MTUS1: variants seen among roughly 807,000 people sequenced by gnomAD.
MTUS1 encodes microtubule-associated tumor suppressor 1.
MTUS1 carries 109 observed loss-of-function variants against 120.8 expected under a neutral mutation model. The ratio of observed to expected loss-of-function variants is 0.90; its 90% confidence interval spans 0.77 to 1.06. The LOEUF is 1.06. MTUS1 is among the 50% of genes least tolerant of loss of function. The pLI, the probability that MTUS1 is intolerant of heterozygous loss-of-function variation, is 0.00. For missense variants in MTUS1, 2,210 were observed against 1,486.3 expected, an observed-to-expected ratio of 1.49 and a Z score of -8.01; for synonymous variants, 737 against 550.5, an observed-to-expected ratio of 1.34 and a Z score of -4.74.
rs1226863936 is a variant in MTUS1 at position 17,643,916 on chromosome 8, C to G, written c.*2010G>C. 1 of 152,236 alleles carries G rather than the reference C, an allele frequency of 6.6e-6. No homozygotes were observed. Among genetic ancestry groups the G allele is most frequent in the African/African-American group, 2.4e-5 (1 of 41,466 alleles). The allele number at this position is 152,236 out of a possible 1,614,324, so 9.4% of individuals were successfully genotyped here. On this transcript the variant is annotated 3_prime_UTR_variant, in exon 15 of 15. Coordinates refer to ENST00000693296, the MANE Select transcript of MTUS1 (RefSeq NM_001363059.2). ...ATATTTTTGACGTGCCAACATTTTG[C>G]ATTCTACATGAAACATTTGGTTTAA...
rs752152328 is a variant in MTUS1 at position 17,649,981 on chromosome 8, G to C, written c.3385-19C>G. On this transcript the variant is annotated intron_variant, in intron 12 of 14. Coordinates refer to ENST00000693296, the MANE Select transcript of MTUS1 (RefSeq NM_001363059.2). ...GATTTTTCTGGAAAGGACACAGCAA[G>C]ATACTGCTCTTATTCCACATAGTTC... is the stretch of plus-strand genomic sequence containing the variant. The C allele has an allele frequency of 8.4e-5, 102 of 1,214,020 alleles. No homozygotes were observed. The highest frequency in any genetic ancestry group is 1.2e-4 in the Non-Finnish European group (97 of 815,462). 75.2% of individuals were successfully genotyped at this position (1,214,020 alleles called of 1,614,324 possible).
intron 13 of MTUS1, among the ~76,000 whole-genome samples, chr8:17,648,046 A>G (rs1338524541): frequency 6.6e-6 from 1 of 152,224 alleles, no homozygotes; most frequent in Non-Finnish European, 1.5e-5. Flanking sequence ...ATTCCCAGAT[A>G]AAACAACGTG....
intron 2 of MTUS1, among the ~76,000 whole-genome samples, chr8:17,747,301 C>T (rs1333982923): frequency 6.6e-6 from 1 of 152,164 alleles, no homozygotes; most frequent in Non-Finnish European, 1.5e-5. Flanking sequence ...CCCAGAATAC[C>T]TGCCCTTCAA....
At position 17,693,687 on chromosome 8, in the gene MTUS1, G is replaced by A. The variant is rs138037371; in HGVS notation, c.2624-9145C>T. 4.7e-4 allele frequency among the ~76,000 whole-genome samples: 72 copies of A among 152,274 alleles called. No homozygotes were observed. The East Asian group carries it at 0.012, about 26-fold the overall frequency. ...CAACTTAAAAGGCACTTCTACTGGA[G>A]GACCTGGATTAAAGGTACCTCCACC... is the stretch of plus-strand genomic sequence containing the variant. On this transcript the variant is annotated intron_variant, in intron 6 of 14. Coordinates refer to ENST00000693296, the MANE Select transcript of MTUS1 (RefSeq NM_001363059.2).
At chr8:17,737,086 C>T (rs1021353421) in intron 3 of MTUS1, among the ~76,000 whole-genome samples, 1 of 152,190 alleles carries the variant, frequency 6.6e-6, no homozygotes, top group African/African-American at 2.4e-5. Flanking sequence ...GAAGAATTCA[C>T]ATATGTCCAT....
At chr8:17,787,844 G>C (rs552996082) in intron 1 of MTUS1, among the ~76,000 whole-genome samples, 1 of 152,212 alleles carries the variant, frequency 6.6e-6, no homozygotes, top group African/African-American at 2.4e-5. Context: ...CTTTCTGGCT[G>C]GGCACAGTGG....
chr8:17,653,444 T>C lies in MTUS1; in HGVS notation c.3269A>G (p.Glu1090Gly), dbSNP rs764371342. 1.9e-6 allele frequency: 3 copies of C among 1,611,640 alleles called. No individual in the cohort carries two copies. Among genetic ancestry groups the C allele is most frequent in the South Asian group, 2.2e-5 (2 of 90,322 alleles). Residue 1090 changes from glutamate to glycine, a missense_variant, in exon 11 of 15, where the codon GAG becomes GGG. Physicochemically the swap from Glu to Gly is moderately conservative, Grantham distance 98. Coordinates refer to ENST00000693296, the MANE Select transcript of MTUS1 (RefSeq NM_001363059.2). ...EKKSLEDLLS[E>G]KQESLEKQIN... Reference sequence around the variant, plus strand: ...ACCCACCTCTAGCGATTCCTGCTTCTCAGAAAGTAAATCTTCAAGCGATTT... The same window carrying C: ...ACCCACCTCTAGCGATTCCTGCTTCCCAGAAAGTAAATCTTCAAGCGATTT...
At chr8:17,730,585 C>G (rs1229152702) in intron 3 of MTUS1, among the ~76,000 whole-genome samples, 1 of 151,828 alleles carries the variant, frequency 6.6e-6, no homozygotes, top group Non-Finnish European at 1.5e-5. Flanking sequence ...GGAAGCAACC[C>G]TACTGTTCAC....
In MTUS1 at chr8:17,755,313, C is replaced by A. The variant is rs1586191019; in HGVS notation, c.495G>T (p.Val165=). 1.2e-6 allele frequency: 2 copies of A among 1,614,162 alleles called. No individual in the cohort carries two copies. The highest frequency in any genetic ancestry group is 2.2e-5 in the East Asian group (1 of 44,876). ...LELNQTFDMT[V]DKVNCTFISH... Reference sequence around the variant, plus strand: ...ATATAAAGGTGCAGTTAACTTTATCCACTGTCATGTCAAATGTTTGGTTTA... The same window carrying A: ...ATATAAAGGTGCAGTTAACTTTATCAACTGTCATGTCAAATGTTTGGTTTA... The change falls in exon 2 of 15, where the codon GTG becomes GTT. Residue 165 remains valine (V), a synonymous_variant. Transcript: ENST00000693296.
At chr8:17,768,728 A>C (rs189235159) in intron 1 of MTUS1, among the ~76,000 whole-genome samples, 3 of 152,124 alleles carry the variant, frequency 2.0e-5, no homozygotes, top group Non-Finnish European at 4.4e-5. Context: ...CAAAACAAAA[A>C]ACAAAAACAA....
At chr8:17,705,260 A>C (rs3885163) in intron 6 of MTUS1, among the ~76,000 whole-genome samples, 68,546 of 152,114 alleles carry the variant, frequency 0.45, 16,813 homozygotes, top group Middle Eastern at 0.63. Context: ...TTGGGATTAC[A>C]GGCGTGAGCC....
At chr8:17,650,921 T>G (rs1806845737) in intron 12 of MTUS1, among the ~76,000 whole-genome samples, 1 of 152,056 alleles carries the variant, frequency 6.6e-6, no homozygotes, top group South Asian at 2.1e-4. Context: ...GAGTCGGTGG[T>G]GTGGTCATCA....
intron 6 of MTUS1, among the ~76,000 whole-genome samples, chr8:17,686,273 G>A (rs1400133615): frequency 6.6e-6 from 1 of 152,216 alleles, no homozygotes; most frequent in Admixed American, 6.5e-5. Context: ...ATTTTGGAAA[G>A]CGGATTAGGT....
chr8:17,704,576 AC>A (rs1378135184), intron 6 of MTUS1, among the ~76,000 whole-genome samples: 3 of 152,112 alleles, frequency 2.0e-5, no homozygotes, highest in African/African-American at 7.2e-5. Flanking sequence ...AGATTAGCTA[AC>A]CGTATATGCA....
chr8:17,754,315 T>G lies in MTUS1; in HGVS notation c.1493A>C (p.Glu498Ala), dbSNP rs1342122067. 6.2e-7 allele frequency: 1 copy of G among 1,614,134 alleles called. No homozygotes were observed. The highest frequency in any genetic ancestry group is 1.7e-5 in the Admixed American group (1 of 60,024). ...TPIGCKVRKT[E>A]IISYPRPNFK... ...GTTTGGTCTTGGGTAACTTATAATT[T>G]CAGTTTTTCTAACTTTGCAGCCTAT... The change falls in exon 2 of 15, where the codon GAA becomes GCA. Residue 498 changes from glutamate (E) to alanine (A), a missense_variant. Physicochemically the swap from Glu to Ala is moderately radical, Grantham distance 107. Transcript: ENST00000693296.
chr8:17,656,409 T>A (rs1270642298), intron 8 of MTUS1, among the ~76,000 whole-genome samples: 1 of 151,804 alleles, frequency 6.6e-6, no homozygotes, highest in East Asian at 1.9e-4. Context: ...GTGCCTGTAA[T>A]CCCAGCTACT....
chr8:17,755,430 T>C lies in MTUS1; in HGVS notation c.378A>G (p.Ala126=), dbSNP rs1020508242. Residue 126 remains alanine (A), a synonymous_variant, in exon 2 of 15, where the codon GCA becomes GCG. Transcript: ENST00000693296. ...YLQHSCHSLE[A]VEGQSVEPSL... ...ATGGCTCAACACTCTGGCCCTCAAC[T>C]GCTTCTAGGGAATGACAACTGTGTT... 1.2e-6 allele frequency: 2 copies of C among 1,614,110 alleles called. No individual in the cohort carries two copies. The highest frequency in any genetic ancestry group is 1.7e-6 in the Non-Finnish European group (2 of 1,180,036).
intron 1 of MTUS1, among the ~76,000 whole-genome samples, chr8:17,767,523 C>A (rs78729920): frequency 7.3e-6 from 1 of 137,506 alleles, no homozygotes; most frequent in East Asian, 2.0e-4. Context: ...ACAGCAAAAC[C>A]CCATCTCTTT....
intron 6 of MTUS1, among the ~76,000 whole-genome samples, chr8:17,701,651 G>C (rs1299765808): frequency 6.6e-6 from 1 of 152,050 alleles, no homozygotes; most frequent in African/African-American, 2.4e-5. Context: ...GGGTTCAAGT[G>C]ATTCTCCTGC....
Sources: gnomAD v4.1 joint callset for allele counts (sites outside exome capture counted in the v4.1 genomes callset) on GRCh38, gnomAD v4.1.1 for gene constraint, MANE v1.5 for transcripts, NCBI Gene and HGNC (gene_info 2026-07-23, HGNC 2026-07-21) for gene names.